KPNA3: variants seen among roughly 807,000 people sequenced by gnomAD.
The protein encoded by KPNA3 is importin subunit alpha-4.
Under a neutral mutation model 73.8 loss-of-function variants are expected in KPNA3, and 13 were observed. The observed-to-expected ratio is 0.18, with a 90% CI of 0.11 to 0.28. KPNA3 has a LOEUF of 0.28. KPNA3 is among the 10% of genes least tolerant of loss of function. The pLI, the probability that KPNA3 is intolerant of heterozygous loss-of-function variation, is 1.00. For missense variants in KPNA3, 360 were observed against 618.1 expected, an observed-to-expected ratio of 0.58 and a Z score of 4.43; for synonymous variants, 186 against 206.9, an observed-to-expected ratio of 0.90 and a Z score of 0.87.
At chr13:49,716,347 A>T (rs1277205097) in intron 10 of KPNA3, among the ~76,000 whole-genome samples, 1 of 152,182 alleles carries the variant, frequency 6.6e-6, no homozygotes, top group East Asian at 1.9e-4. Context: ...TTCTTTAGAC[A>T]AGACTATATG....
Position 49,701,753 on chromosome 13 carries a change from G to T in KPNA3, c.*47C>A. Reference sequence around the variant, plus strand: ...GTTCTTATCATTTGGTAGCCATCTGGTGGTGCTTCATATTGAATGTGGGAA... The same window carrying T: ...GTTCTTATCATTTGGTAGCCATCTGTTGGTGCTTCATATTGAATGTGGGAA... On this transcript the variant is annotated 3_prime_UTR_variant, in exon 17 of 17. Transcript: ENST00000261667. 9.0e-7 allele frequency: 1 copy of T among 1,114,060 alleles called. No homozygotes were observed. Among genetic ancestry groups the T allele is most frequent in the Non-Finnish European group, 1.4e-6 (1 of 724,322 alleles). 69.0% of individuals were successfully genotyped at this position (1,114,060 alleles called of 1,614,324 possible). A position where few individuals can be genotyped will look rare whatever the true frequency, so the allele number is the denominator to read the frequency against.
At chr13:49,704,879 A>T (rs558523558) in intron 15 of KPNA3, among the ~76,000 whole-genome samples, 1 of 152,338 alleles carries the variant, frequency 6.6e-6, no homozygotes, top group African/African-American at 2.4e-5. Context: ...AACTATATGA[A>T]ATAATATTTC....
intron 1 of KPNA3, among the ~76,000 whole-genome samples, chr13:49,752,951 C>T (rs1412354781): frequency 2.2e-5 from 3 of 138,748 alleles, no homozygotes; most frequent in African/African-American, 7.8e-5. Context: ...GGCATGAACC[C>T]GGGAGGTGGA....
chr13:49,777,839 A>G (rs1954909831), intron 1 of KPNA3, among the ~76,000 whole-genome samples: 1 of 152,062 alleles, frequency 6.6e-6, no homozygotes, highest in Admixed American at 6.5e-5. Context: ...ATCACTTTCC[A>G]AAATACTGCA....
intron 1 of KPNA3, among the ~76,000 whole-genome samples, chr13:49,761,982 G>A (rs1954767318): frequency 1.3e-5 from 2 of 152,118 alleles, no homozygotes; most frequent in South Asian, 2.1e-4. Flanking sequence ...CATCTGAGAA[G>A]TGAGGAGCCC....
chr13:49,738,271 T>G (rs1479630489), intron 2 of KPNA3, among the ~76,000 whole-genome samples: 2 of 152,236 alleles, frequency 1.3e-5, no homozygotes, highest in Admixed American at 1.3e-4. Context: ...GGCTATATAC[T>G]ATAAGCTTTC....
intron 10 of KPNA3, among the ~76,000 whole-genome samples, chr13:49,712,695 T>C (rs937766677): frequency 6.6e-6 from 1 of 151,536 alleles, no homozygotes; most frequent in Admixed American, 6.6e-5. Context: ...GAAGAGAAAA[T>C]AGAATAAGCT....
chr13:49,701,198 G>GTTT lies in KPNA3; in HGVS notation c.*599_*601dup. On this transcript the variant is annotated 3_prime_UTR_variant, in exon 17 of 17. Coordinates refer to ENST00000261667, the MANE Select transcript of KPNA3 (RefSeq NM_002267.4). The stretch of plus-strand genomic sequence containing the variant: ...ACATCAATTACTGGTAGATGAAGTA[G>GTTT]TTTTTTTTTTTTTTTAAACTTATCT... 2 of 146,694 alleles carry GTTT rather than the reference G, an allele frequency of 1.4e-5. No individual in the cohort carries two copies. Among genetic ancestry groups the GTTT allele is most frequent in the South Asian group, 3.5e-4 (2 of 5,766 alleles). The allele number at this position is 146,694 out of a possible 1,614,324, so 9.1% of individuals were successfully genotyped here. A position where few individuals can be genotyped will look rare whatever the true frequency, so the allele number is the denominator to read the frequency against.
At chr13:49,789,871 C>T (rs1446817201) in intron 1 of KPNA3, among the ~76,000 whole-genome samples, 1 of 152,170 alleles carries the variant, frequency 6.6e-6, no homozygotes, top group Non-Finnish European at 1.5e-5. Flanking sequence ...TTTCTTTCAT[C>T]CTTCACAATC....
At chr13:49,774,061 A>G (rs1209442966) in intron 1 of KPNA3, among the ~76,000 whole-genome samples, 1 of 149,096 alleles carries the variant, frequency 6.7e-6, no homozygotes. Context: ...GTGTGCCACT[A>G]AACCCAGGCT....
At chr13:49,722,220 A>G (rs777219999) in intron 8 of KPNA3, 96 bp from the exon 9 acceptor site, 50 of 865,862 alleles carry the variant, frequency 5.8e-5, no homozygotes, top group African/African-American at 8.6e-5. Flanking sequence ...CTGACGTTCT[A>G]TGTTTCCTCA....
chr13:49,720,749 A>G (rs1413941712), intron 9 of KPNA3, among the ~76,000 whole-genome samples: 5 of 145,202 alleles, frequency 3.4e-5, no homozygotes, highest in African/African-American at 2.5e-5. Context: ...AAAAAAAAAA[A>G]GAGATAACAC....
intron 2 of KPNA3, among the ~76,000 whole-genome samples, chr13:49,735,110 A>G (rs1319893153): frequency 1.3e-5 from 2 of 152,142 alleles, no homozygotes; most frequent in African/African-American, 2.4e-5. Flanking sequence ...CTATGGCACA[A>G]GAACCATATT....
chr13:49,733,125 T>A (rs1449592815), intron 2 of KPNA3, 79 bp from the exon 3 acceptor site: 2 of 852,730 alleles, frequency 2.3e-6, no homozygotes, highest in East Asian at 4.8e-5. Context: ...ACTTCAACTT[T>A]ATTAGGCAAT....
intron 4 of KPNA3, 24 bp downstream of exon 4, chr13:49,732,723 G>T: frequency 6.3e-7 from 1 of 1,582,942 alleles, no homozygotes; most frequent in South Asian, 1.1e-5. Flanking sequence ...ACTTCAAAAC[G>T]AGAGTATTAA....
At chr13:49,716,762 C>T (rs1954307810) in intron 10 of KPNA3, among the ~76,000 whole-genome samples, 1 of 152,076 alleles carries the variant, frequency 6.6e-6, no homozygotes, top group African/African-American at 2.4e-5. Flanking sequence ...TTTAAAAACT[C>T]CTTTGTTGGT....
At chr13:49,701,969 T>G in intron 16 of KPNA3, 71 bp from the exon 17 acceptor site, 1 of 947,754 alleles carries the variant, frequency 1.1e-6, no homozygotes, top group Non-Finnish European at 1.7e-6. Flanking sequence ...GGAATTGACT[T>G]TTTACCTCTT....
intron 2 of KPNA3, among the ~76,000 whole-genome samples, chr13:49,744,599 A>C (rs1399402422): frequency 6.6e-6 from 1 of 152,194 alleles, no homozygotes; most frequent in African/African-American, 2.4e-5. Flanking sequence ...CTATGTTGTG[A>C]GTAGCTGGAA....
rs1055977729 is a variant in KPNA3, at chr13:49,768,505, T to C, written c.70-21512A>G. On this transcript the variant is annotated intron_variant, in intron 1 of 16. Coordinates refer to ENST00000261667, the MANE Select transcript of KPNA3 (RefSeq NM_002267.4). ...GCATTTCATTATGGTATTTTTGTTT[T>C]TGATCATCTCGTTTGTTTTTTATTT... Among the ~76,000 whole-genome samples the C allele has an allele frequency of 7.0e-4, 107 of 152,210 alleles. 2 individuals are homozygous for C. Among genetic ancestry groups the C allele is most frequent in the South Asian group, 6.2e-4 (3 of 4,832 alleles).
Sources: gnomAD v4.1 joint callset for allele counts (sites outside exome capture counted in the v4.1 genomes callset) on GRCh38, gnomAD v4.1.1 for gene constraint, MANE v1.5 for transcripts, NCBI Gene and HGNC (gene_info 2026-07-23, HGNC 2026-07-21) for gene names.